Variants in EYS observed in about 807,000 individuals in gnomAD.
EYS encodes the protein EGF-like photoreceptor maintenance factor, also known as protein eyes shut homolog.
A neutral mutation model predicts 282.1 loss-of-function variants in EYS; 250 were observed. The ratio of observed to expected loss-of-function variants is 0.89; its 90% CI spans 0.80 to 0.98. EYS has a LOEUF of 0.98. Ranked by LOEUF, EYS falls within the 50% of genes least tolerant of loss-of-function variation. EYS has a pLI of 0.00. For synonymous variants in EYS, 1,355 were observed against 1,282.9 expected (o/e 1.06, Z -1.20); for missense variants, 4,016 against 3,709.0 (o/e 1.08, Z -2.15).
In EYS at chr6:64,755,366, G is replaced by A. The variant is rs1350836338; in HGVS notation, c.3443+58012C>T. ...AACCCCAAAGCAATCTATAGATTCA[G>A]TGTAATTCCTCTCAAAATACCATTA... is the stretch of plus-strand genomic sequence containing the variant. On this transcript the variant is annotated intron_variant, in intron 22 of 42. Coordinates refer to ENST00000503581, the MANE Select transcript of EYS (RefSeq NM_001142800.2). 2.0e-5 allele frequency among the ~76,000 whole-genome samples: 3 copies of A among 152,020 alleles called. No homozygotes were observed. The East Asian group carries it at 5.8e-4, about 29-fold the overall frequency.
chr6:65,010,700 G>A (rs1258910138), intron 13 of EYS, among the ~76,000 whole-genome samples: 1 of 152,180 alleles, frequency 6.6e-6, no homozygotes, highest in Admixed American at 6.5e-5. Flanking sequence ...AGAACTAATA[G>A]CCCTCACTCA....
chr6:64,564,226 G>GTTTCCT (rs1275667020), intron 26 of EYS, among the ~76,000 whole-genome samples: 1 of 134,194 alleles, frequency 7.5e-6, no homozygotes, highest in Non-Finnish European at 1.6e-5. Context: ...GTGTGCAAGG[G>GTTTCCT]TTTCCTTTTC....
intron 19 of EYS, among the ~76,000 whole-genome samples, chr6:64,846,567 T>C (rs1232020231): frequency 2.6e-5 from 4 of 152,124 alleles, no homozygotes; most frequent in Non-Finnish European, 5.9e-5. Context: ...ATAGTTGATA[T>C]AGAATAGACA....
intron 32 of EYS, among the ~76,000 whole-genome samples, chr6:64,073,954 T>C (rs1771678325): frequency 6.6e-6 from 1 of 151,976 alleles, no homozygotes; most frequent in Non-Finnish European, 1.5e-5. Context: ...GAAAAGATGC[T>C]TGATGATCCA....
At chr6:65,057,915 C>T (rs1773464784) in intron 12 of EYS, among the ~76,000 whole-genome samples, 188 bp from the exon 13 acceptor site, 1 of 152,050 alleles carries the variant, frequency 6.6e-6, no homozygotes, top group Non-Finnish European at 1.5e-5. Context: ...ACTGTAGTAA[C>T]TTCTCTTAGA....
Position 65,678,816 on chromosome 6 carries a change from CA to C in EYS, c.-448+28318del, listed in dbSNP as rs34345454. Among the ~76,000 whole-genome samples the C allele has an allele frequency of 4.0e-3, 582 of 144,466 alleles. 3 individuals carry two copies. Among genetic ancestry groups the C allele is most frequent in the African/African-American group, 0.013 (514 of 39,626 alleles). 94.8% of individuals were successfully genotyped at this position (144,466 alleles called of 152,430 possible). A position where few individuals can be genotyped will look rare whatever the true frequency, so the allele number is the denominator to read the frequency against. ...CAAAGGACATGAAAATATACATCTCCAAAAAAAAAAAAGACATACAAATGAC... is the reference window on the plus strand; with the variant it reads ...CAAAGGACATGAAAATATACATCTCCAAAAAAAAAAAGACATACAAATGAC... On this transcript the variant is annotated intron_variant, in intron 1 of 42. Transcript: ENST00000503581.
At chr6:64,854,200 C>CA (rs1209076689) in intron 19 of EYS, among the ~76,000 whole-genome samples, 1 of 152,108 alleles carries the variant, frequency 6.6e-6, no homozygotes, top group East Asian at 1.9e-4. Flanking sequence ...GGTGATTCCT[C>CA]AATGATCTAC....
chr6:65,033,791 G>C (rs543996161), intron 13 of EYS, among the ~76,000 whole-genome samples: 2 of 152,280 alleles, frequency 1.3e-5, no homozygotes, highest in South Asian at 4.1e-4. Flanking sequence ...CCTTCACACA[G>C]AGTCCCAAAT....
intron 12 of EYS, among the ~76,000 whole-genome samples, chr6:65,200,721 C>T (rs568237149): frequency 6.6e-6 from 1 of 152,078 alleles, no homozygotes; most frequent in South Asian, 2.1e-4. Context: ...CTTTAAATTG[C>T]TCTAACATCT....
In EYS at chr6:64,591,050, G is replaced by A. The variant is rs1582929370; in HGVS notation, c.4817C>T (p.Thr1606Ile). The change falls in exon 26 of 43, where the codon ACT (threonine) becomes ATT (isoleucine). Residue 1606 changes from threonine to isoleucine, a missense_variant. Coordinates refer to ENST00000503581, the MANE Select transcript of EYS (RefSeq NM_001142800.2). The stretch of plus-strand genomic sequence containing the variant: ...AGCAGAAGAAAATGAATGCCCAGAA[G>A]TGATAGTTTGAGCTCCCATTAGTGC... ...WYALMGAQTI[T>I]SGHSFSSATE... The A allele has an allele frequency of 6.4e-7, 1 of 1,551,322 alleles. No individual in the cohort carries two copies. Among genetic ancestry groups the A allele is most frequent in the African/African-American group, 1.4e-5 (1 of 73,142 alleles).
chr6:65,603,783 T>G (rs1190581099), intron 2 of EYS, among the ~76,000 whole-genome samples: 1 of 151,898 alleles, frequency 6.6e-6, no homozygotes, highest in Admixed American at 6.6e-5. Flanking sequence ...TCAAAGAAAT[T>G]TCTGAGCATA....
intron 12 of EYS, among the ~76,000 whole-genome samples, chr6:65,221,833 G>A (rs1766474369): frequency 1.3e-5 from 2 of 152,184 alleles, no homozygotes; most frequent in African/African-American, 4.8e-5. Context: ...AAGCCACAGA[G>A]GCAGAGCTGC....
intron 10 of EYS, among the ~76,000 whole-genome samples, chr6:65,335,688 T>C (rs1461319799): frequency 6.6e-6 from 1 of 151,700 alleles, no homozygotes; most frequent in Non-Finnish European, 1.5e-5. Flanking sequence ...CCCATAAATA[T>C]GTATTGCTTT....
intron 5 of EYS, among the ~76,000 whole-genome samples, chr6:65,432,381 G>A (rs754498864): frequency 3.3e-5 from 5 of 151,986 alleles, no homozygotes; most frequent in African/African-American, 7.3e-5. Context: ...AGGTACATAC[G>A]TACACACAAA....
chr6:64,734,430 T>G (rs1242615247), intron 22 of EYS, among the ~76,000 whole-genome samples: 3 of 152,316 alleles, frequency 2.0e-5, no homozygotes, highest in South Asian at 2.1e-4. Context: ...TAGGCACAAC[T>G]TTTAGTTTGC....
At chr6:64,116,413 C>T (rs995235938) in intron 31 of EYS, among the ~76,000 whole-genome samples, 2 of 151,970 alleles carry the variant, frequency 1.3e-5, no homozygotes, top group African/African-American at 2.4e-5. Flanking sequence ...ATAGTAGATA[C>T]ATAAAATGAG....
At chr6:65,347,149 GGATA>G (rs1475913896) in intron 9 of EYS, among the ~76,000 whole-genome samples, 5 of 151,808 alleles carry the variant, frequency 3.3e-5, no homozygotes, top group African/African-American at 1.2e-4. Context: ...TGCCAGCAAT[GGATA>G]GTCATTAAAT....
chr6:64,928,669 A>G (rs1768596821), intron 15 of EYS, among the ~76,000 whole-genome samples: 1 of 152,262 alleles, frequency 6.6e-6, no homozygotes, highest in East Asian at 1.9e-4. Context: ...AAAGAAGAAA[A>G]CAAGCAAAAT....
At chr6:65,213,324 C>A (rs1281616416) in intron 12 of EYS, among the ~76,000 whole-genome samples, 1 of 152,138 alleles carries the variant, frequency 6.6e-6, no homozygotes, top group Non-Finnish European at 1.5e-5. Context: ...TAGGTATTTG[C>A]ATTAAAATTT....
Sources: gnomAD v4.1 joint callset for allele counts (sites outside exome capture counted in the v4.1 genomes callset) on GRCh38, gnomAD v4.1.1 for gene constraint, MANE v1.5 for transcripts, NCBI Gene and HGNC (gene_info 2026-07-23, HGNC 2026-07-21) for gene names.